IFNLR1: variants seen among roughly 807,000 people sequenced by gnomAD.
IFNLR1 encodes CRF2-12.
In IFNLR1, 28 loss-of-function variants were observed where a neutral mutation model predicts 52.5. That is an observed-to-expected ratio of 0.53 (90% CI 0.40 to 0.73). The LOEUF is 0.73. Ranked by LOEUF, IFNLR1 falls within the 30% of genes least tolerant of loss-of-function variation. The pLI, the probability that IFNLR1 is intolerant of heterozygous loss-of-function variation, is 0.00. For synonymous variants in IFNLR1, 276 were observed against 274.9 expected (o/e 1.00, Z -0.04); for missense variants, 623 against 659.1 (o/e 0.95, Z 0.60).
At chr1:24,162,815 T>TTC (rs1644467462) in intron 3 of IFNLR1, among the ~76,000 whole-genome samples, 1 of 59,376 alleles carries the variant, frequency 1.7e-5, no homozygotes, top group Admixed American at 2.0e-4. Context: ...TTCTTTCTTT[T>TTC]TTTCTTCTTT....
chr1:24,163,969 T>C (rs1644493354), intron 3 of IFNLR1, among the ~76,000 whole-genome samples: 1 of 152,006 alleles, frequency 6.6e-6, no homozygotes. Context: ...AATTCCCAAA[T>C]CAACAGTATC....
rs1350433541 is a variant in IFNLR1 at position 24,159,172 on chromosome 1, C to G, written c.681G>C (p.Trp227Cys). Residue 227 changes from tryptophan to cysteine, a missense_variant, in exon 6 of 7, where the codon TGG becomes TGC. By Grantham distance (215) the Trp-to-Cys change is radical (BLOSUM62 -2). Coordinates refer to ENST00000327535, the MANE Select transcript of IFNLR1 (RefSeq NM_170743.4). ...CFLLEVPEANWAFLVLPSLLI... is the reference protein window; with the variant it reads ...CFLLEVPEANCAFLVLPSLLI... ...GAAGCGATGGCAGCACCAGGAAAGC[C>G]CAGTTGGCTTCTAAGGAAGGAAAAA... The G allele has an allele frequency of 6.2e-7, 1 of 1,614,046 alleles. No homozygotes were observed. Among genetic ancestry groups the G allele is most frequent in the Non-Finnish European group, 8.5e-7 (1 of 1,179,998 alleles).
chr1:24,169,281 G>A, intron 3 of IFNLR1, 136 bp downstream of exon 3: 1 of 768,802 alleles, frequency 1.3e-6, no homozygotes, highest in Non-Finnish European at 2.1e-6. Context: ...ATCTCAAAGG[G>A]CCTGGCCCAG....
chr1:24,157,334 G>C lies in IFNLR1; in HGVS notation c.1359C>G (p.Thr453=). 1 of 1,614,192 alleles carries C rather than the reference G, an allele frequency of 6.2e-7. No individual in the cohort carries two copies. The highest frequency in any genetic ancestry group is 8.5e-7 in the Non-Finnish European group (1 of 1,180,022). The change falls in exon 7 of 7, where the codon ACC becomes ACG. Residue 453 remains threonine (T), a synonymous_variant. Coordinates refer to ENST00000327535, the MANE Select transcript of IFNLR1 (RefSeq NM_170743.4). This position sits in a 1 kb window ranked among gnomAD's most constrained non-coding sequence, Gnocchi z 5.1. ...GGACCAGATTCGGCTCCGGTGGTAA[G>C]GTGCCCCAGGTGGCCCAGGAGGAGA... ...DNLSSWATWG[T]LPPEPNLVPG...
At chr1:24,166,318 C>T (rs72648596) in intron 3 of IFNLR1, among the ~76,000 whole-genome samples, 33,104 of 151,896 alleles carry the variant, frequency 0.22, 3,934 homozygotes, top group East Asian at 0.5. Flanking sequence ...CACCTTTTAT[C>T]TAGCCAGTGA....
intron 3 of IFNLR1, among the ~76,000 whole-genome samples, chr1:24,167,660 C>T (rs936705230): frequency 3.3e-5 from 5 of 151,716 alleles, no homozygotes; most frequent in African/African-American, 1.2e-4. Flanking sequence ...GCTCAGATTA[C>T]AGGTGTGAGC....
intron 1 of IFNLR1, among the ~76,000 whole-genome samples, chr1:24,183,685 C>G (rs945797260): frequency 2.0e-5 from 3 of 152,150 alleles, no homozygotes; most frequent in Admixed American, 6.5e-5. Flanking sequence ...TGCTTAAGCC[C>G]TCTAAAGGCT....
intron 2 of IFNLR1, among the ~76,000 whole-genome samples, chr1:24,169,830 T>C (rs1644560512): frequency 6.6e-6 from 1 of 152,188 alleles, no homozygotes; most frequent in Non-Finnish European, 1.5e-5. Context: ...CTCCCTAGCT[T>C]TGGGACCATG....
At chr1:24,160,525 A>G (rs1422306413) in intron 4 of IFNLR1, among the ~76,000 whole-genome samples, 1 of 152,058 alleles carries the variant, frequency 6.6e-6, no homozygotes, top group African/African-American at 2.4e-5. Context: ...CTTGCATTAT[A>G]TTTCTTTCTA....
At chr1:24,178,774 C>T (rs1172932401) in intron 2 of IFNLR1, among the ~76,000 whole-genome samples, 1 of 152,100 alleles carries the variant, frequency 6.6e-6, no homozygotes, top group Non-Finnish European at 1.5e-5. Flanking sequence ...AAAAATTAAG[C>T]ATTTATCCTC....
chr1:24,161,340 T>C (rs544066192), intron 4 of IFNLR1: 1 of 630,156 alleles, frequency 1.6e-6, no homozygotes, highest in South Asian at 2.0e-5. Flanking sequence ...CTGTACTGAA[T>C]CTGTTGACTT....
At chr1:24,182,647 C>T (rs947356469) in intron 1 of IFNLR1, among the ~76,000 whole-genome samples, 11 of 152,046 alleles carry the variant, frequency 7.2e-5, no homozygotes, top group East Asian at 5.8e-4. Flanking sequence ...ACAGGCCGGG[C>T]GTGGTGGCTC....
intron 2 of IFNLR1, among the ~76,000 whole-genome samples, chr1:24,175,647 G>A (rs1214859920): frequency 1.3e-5 from 2 of 152,132 alleles, no homozygotes; most frequent in Non-Finnish European, 2.9e-5. Flanking sequence ...AGAGTTTTGG[G>A]GCTAGCCAGG....
At chr1:24,170,392 G>C (rs1451835630) in intron 2 of IFNLR1, among the ~76,000 whole-genome samples, 1 of 152,180 alleles carries the variant, frequency 6.6e-6, no homozygotes, top group African/African-American at 2.4e-5. Flanking sequence ...ATGGAGTCTT[G>C]TTCTGTTGCC....
At chr1:24,175,624 C>T (rs1644624117) in intron 2 of IFNLR1, among the ~76,000 whole-genome samples, 2 of 152,172 alleles carry the variant, frequency 1.3e-5, no homozygotes, top group Admixed American at 6.5e-5. Context: ...AGAGTAGATG[C>T]TGAAATGGGT....
At chr1:24,180,616 C>T (rs1023929868) in intron 2 of IFNLR1, 115 bp downstream of exon 2, 4 of 1,012,114 alleles carry the variant, frequency 4.0e-6, no homozygotes, top group Non-Finnish European at 5.9e-6. Flanking sequence ...TCCCGTAGGG[C>T]CCAGAGAGCT....
intron 3 of IFNLR1, among the ~76,000 whole-genome samples, chr1:24,163,585 T>C (rs1195605261): frequency 1.8e-5 from 2 of 110,868 alleles, no homozygotes; most frequent in Non-Finnish European, 3.9e-5. Flanking sequence ...CTTTCTTTTT[T>C]CTTTTTTTTT....
At chr1:24,187,070 C>T (rs1451858427) in intron 1 of IFNLR1, 121 bp downstream of exon 1, 5 of 554,880 alleles carry the variant, frequency 9.0e-6, no homozygotes, top group African/African-American at 4.0e-5. Flanking sequence ...AGGGCCGATT[C>T]GCACCCGGCT....
rs780584294 is a variant in IFNLR1 at position 24,180,730 on chromosome 1, C to T, written c.182+1G>A. 7.3e-7 allele frequency: 1 copy of T among 1,369,006 alleles called. No individual in the cohort carries two copies. Among genetic ancestry groups the T allele is most frequent in the Non-Finnish European group, 9.8e-7 (1 of 1,021,442 alleles). The allele number at this position is 1,369,006 out of a possible 1,614,324, so 84.8% of individuals were successfully genotyped here. On this transcript the variant is annotated splice_donor_variant, in intron 2 of 6. Transcript: ENST00000327535. LOFTEE classifies it high-confidence loss of function. ...CCACCAGCCGAGAGAGTCCCCTCTA[C>T]CTCTGATAGGCCACAAAATAGGTCA...
Sources: gnomAD v4.1 joint callset for allele counts (sites outside exome capture counted in the v4.1 genomes callset) on GRCh38, gnomAD v4.1.1 for gene constraint, Gnocchi (gnomAD v3.1) non-coding constraint, MANE v1.5 for transcripts, NCBI Gene and HGNC (gene_info 2026-07-23, HGNC 2026-07-21) for gene names.